Variants in IFT74 observed in about 807,000 individuals in gnomAD.
The protein encoded by IFT74 is intraflagellar transport protein 74 homolog.
A neutral mutation model predicts 96.7 loss-of-function variants in IFT74; 92 were observed. The ratio of observed to expected loss-of-function variants is 0.95; its 90% CI spans 0.80 to 1.13. IFT74 has a LOEUF of 1.13. Among genes scored for constraint, IFT74 ranks in the 50% most tolerant of loss-of-function variants. IFT74 has a pLI of 0.00. For missense variants in IFT74, 811 were observed against 698.2 expected (o/e 1.16, Z -1.82); for synonymous variants, 223 against 213.2 (o/e 1.05, Z -0.40).
intron 8 of IFT74, chr9:26,996,608 T>G: frequency 3.0e-6 from 2 of 662,594 alleles, no homozygotes; most frequent in Non-Finnish European, 4.4e-6. Flanking sequence ...CTTAAAGGCA[T>G]TATAAGAAAT....
chr9:26,962,439 A>G (rs1276688978), intron 2 of IFT74, among the ~76,000 whole-genome samples: 1 of 152,232 alleles, frequency 6.6e-6, no homozygotes, highest in Non-Finnish European at 1.5e-5. Flanking sequence ...TTAAAGCTGC[A>G]ATAATTTTAG....
chr9:26,949,291 C>T (rs1825862142), intron 1 of IFT74, among the ~76,000 whole-genome samples: 1 of 152,204 alleles, frequency 6.6e-6, no homozygotes, highest in Non-Finnish European at 1.5e-5. Context: ...TCCCATTTCA[C>T]ACATGAAGAA....
chr9:26,986,483 T>A (rs1190791099), intron 6 of IFT74, among the ~76,000 whole-genome samples: 1 of 151,914 alleles, frequency 6.6e-6, no homozygotes, highest in East Asian at 1.9e-4. Flanking sequence ...ACCAGGCTAA[T>A]TTTTTGTATT....
chr9:26,955,785 T>C (rs1365789464), upstream of IFT74: 1 of 148,658 alleles, frequency 6.7e-6, no homozygotes, highest in Non-Finnish European at 1.5e-5. Flanking sequence ...AAACATACAG[T>C]AAAAGTTATT....
In IFT74 at chr9:27,063,977, T is replaced by C. The variant is rs990637573; in HGVS notation, c.*1241T>C. 1.3e-5 allele frequency among the ~76,000 whole-genome samples: 2 copies of C among 152,130 alleles called. No individual in the cohort carries two copies. The highest frequency in any genetic ancestry group is 1.3e-4 in the Admixed American group (2 of 15,278). ...TAGTGTTATGCCTCCAAAGGATTCA[T>C]GGTCAAAGAAGTTTGGGAAACGTTG... On this transcript the variant is annotated 3_prime_UTR_variant, in exon 20 of 20. Transcript: ENST00000380062.
intron 1 of IFT74, among the ~76,000 whole-genome samples, chr9:26,958,650 T>C (rs538171639): frequency 6.6e-6 from 1 of 152,284 alleles, no homozygotes; most frequent in African/African-American, 2.4e-5. Flanking sequence ...AGGACAAATT[T>C]TGAGCAGATG....
At chr9:27,036,700 T>G (rs933745310) in intron 13 of IFT74, 1 of 1,308,506 alleles carries the variant, frequency 7.6e-7, no homozygotes, top group Non-Finnish European at 9.7e-7. Context: ...AAAAGACTCC[T>G]AAAAATCAAT....
At chr9:26,987,860 C>T (rs1205949873) in intron 6 of IFT74, among the ~76,000 whole-genome samples, 1 of 152,162 alleles carries the variant, frequency 6.6e-6, no homozygotes, top group Non-Finnish European at 1.5e-5. Context: ...ACTGTTCCAT[C>T]TGTGCAAGCC....
chr9:27,056,241 C>A, intron 17 of IFT74, 93 bp from the exon 18 acceptor site: 1 of 966,322 alleles, frequency 1.0e-6, no homozygotes, highest in Non-Finnish European at 1.6e-6. Context: ...ATAATTTTAC[C>A]AGAATATAGT....
rs1282526527 is a variant in IFT74 at position 27,062,048 on chromosome 9, C to T, written c.1685-570C>T. Among the ~76,000 whole-genome samples, 5 of 152,122 alleles carry T rather than the reference C, an allele frequency of 3.3e-5. No homozygotes were observed. The East Asian group carries it at 7.7e-4, about 23-fold the overall frequency. On this transcript the variant is annotated intron_variant, in intron 19 of 19. Transcript: ENST00000380062. The stretch of plus-strand genomic sequence containing the variant: ...TGACTCAGTGGCAGCATAGGTTCTC[C>T]CCCAGGGTGGTGCTGAACTTCAGCT...
chr9:27,056,291 A>G (rs940423563), intron 17 of IFT74, 43 bp from the exon 18 acceptor site: 36 of 1,396,354 alleles, frequency 2.6e-5, no homozygotes, highest in Non-Finnish European at 3.5e-5. Context: ...TTGGCTTACT[A>G]CATATTTTCT....
At chr9:26,963,802 G>T (rs1028822115) in intron 2 of IFT74, among the ~76,000 whole-genome samples, 2 of 152,146 alleles carry the variant, frequency 1.3e-5, no homozygotes, top group East Asian at 3.9e-4. Context: ...TTTTTGATGG[G>T]GTTGTTTGTT....
intron 1 of IFT74, among the ~76,000 whole-genome samples, chr9:26,948,444 C>CATTATTATT (rs1228760884): frequency 9.9e-5 from 8 of 80,940 alleles, no homozygotes; most frequent in African/African-American, 3.0e-4. Context: ...GATGGCTTTC[C>CATTATTATT]ATTATTTTTT....
In IFT74 at chr9:27,060,584, T is replaced by A; in HGVS notation, c.1624-7T>A. On this transcript the variant is annotated splice_region_variant and splice_polypyrimidine_tract_variant and intron_variant, in intron 18 of 19. Transcript: ENST00000380062. ...TCCTAATTAATATTTTTCTTTTATG[T>A]TTTTAGCTTACAAATTTGGAGAGAA... is the stretch of plus-strand genomic sequence containing the variant. 6.3e-7 allele frequency: 1 copy of A among 1,584,174 alleles called. No individual in the cohort carries two copies. Among genetic ancestry groups the A allele is most frequent in the Non-Finnish European group, 8.6e-7 (1 of 1,159,900 alleles).
chr9:26,964,744 C>G (rs1826530576), intron 2 of IFT74, among the ~76,000 whole-genome samples: 2 of 152,048 alleles, frequency 1.3e-5, no homozygotes, highest in Non-Finnish European at 2.9e-5. Flanking sequence ...TAAAACTCAT[C>G]TAGAACAATA....
intron 13 of IFT74, among the ~76,000 whole-genome samples, chr9:27,032,866 CAAGAAAAAA>C (rs1830187736): frequency 6.8e-6 from 1 of 146,098 alleles, no homozygotes; most frequent in African/African-American, 2.5e-5. Flanking sequence ...GACTCCATCT[CAAGAAAAAA>C]AAGAAAAAAA....
chr9:26,985,003 C>T (rs948237420), intron 6 of IFT74, among the ~76,000 whole-genome samples: 2 of 152,186 alleles, frequency 1.3e-5, no homozygotes, highest in African/African-American at 2.4e-5. Flanking sequence ...GACACATGCA[C>T]ATGTGTGTTC....
chr9:26,968,244 C>G (rs989306305), intron 2 of IFT74, among the ~76,000 whole-genome samples: 2 of 146,802 alleles, frequency 1.4e-5, no homozygotes, highest in Admixed American at 1.4e-4. Flanking sequence ...TGCTGGGAGA[C>G]GTTTTTTAAA....
At chr9:27,056,881 TA>T (rs1820187979) in intron 18 of IFT74, among the ~76,000 whole-genome samples, 2 of 151,780 alleles carry the variant, frequency 1.3e-5, no homozygotes, top group African/African-American at 4.8e-5. Context: ...GATAGATAGA[TA>T]GATAGATAGA....
Sources: gnomAD v4.1 joint callset for allele counts (sites outside exome capture counted in the v4.1 genomes callset) on GRCh38, gnomAD v4.1.1 for gene constraint, MANE v1.5 for transcripts, NCBI Gene and HGNC (gene_info 2026-07-23, HGNC 2026-07-21) for gene names.